The following USP6NL variants were observed in gnomAD, a reference collection of about 807,000 sequenced individuals.
USP6NL encodes the protein USP6 N-terminal like.
In USP6NL, 26 loss-of-function variants were observed where a neutral mutation model predicts 61.9. That is an observed-to-expected ratio of 0.42 (90% CI 0.31 to 0.58). USP6NL has a LOEUF of 0.58. Among genes scored for constraint, USP6NL ranks in the 20% least tolerant of loss-of-function variants. The pLI is 0.16. For synonymous variants in USP6NL, 432 were observed against 390.1 expected (o/e 1.11, Z -1.27); for missense variants, 1,114 against 1,034.3 (o/e 1.08, Z -1.06).
chr10:11,545,630 A>C (rs947744898), intron 2 of USP6NL, among the ~76,000 whole-genome samples: 1 of 152,230 alleles, frequency 6.6e-6, no homozygotes, highest in African/African-American at 2.4e-5. Context: ...AAATATCTTG[A>C]AAATATAAAT....
At chr10:11,572,077 G>C (rs1837386262) in intron 2 of USP6NL, among the ~76,000 whole-genome samples, 1 of 151,308 alleles carries the variant, frequency 6.6e-6, no homozygotes, top group Non-Finnish European at 1.5e-5. Flanking sequence ...CATTTTAAAA[G>C]GCACAAAAAT....
At chr10:11,576,538 C>T (rs1435091745) in intron 2 of USP6NL, among the ~76,000 whole-genome samples, 3 of 152,164 alleles carry the variant, frequency 2.0e-5, no homozygotes, top group South Asian at 2.1e-4. Context: ...CTTTCCACGA[C>T]GTGAGGAGAA....
At chr10:11,500,837 ATTACT>A (rs1186448936) in intron 7 of USP6NL, among the ~76,000 whole-genome samples, 1 of 152,210 alleles carries the variant, frequency 6.6e-6, no homozygotes, top group Non-Finnish European at 1.5e-5. Context: ...TGATCATCTA[ATTACT>A]TTAATTGATC....
intron 2 of USP6NL, among the ~76,000 whole-genome samples, chr10:11,567,948 CTCTG>C (rs1372412208): frequency 6.6e-6 from 1 of 151,936 alleles, no homozygotes; most frequent in Non-Finnish European, 1.5e-5. Flanking sequence ...GGATCGAGAC[CTCTG>C]TCTGTCTGAT....
chr10:11,570,540 G>C lies in USP6NL; in HGVS notation c.4+27091C>G, dbSNP rs1356422003. 2.0e-5 allele frequency among the ~76,000 whole-genome samples: 3 copies of C among 152,164 alleles called. No individual in the cohort carries two copies. The East Asian group carries it at 5.8e-4, about 29-fold the overall frequency. On this transcript the variant is annotated intron_variant, in intron 2 of 14. Coordinates refer to ENST00000609104, the MANE Select transcript of USP6NL (RefSeq NM_014688.5). ...TTGGTCGTTCGGTTCTCTACCTACA[G>C]AAAATGCAAAATGAATTTGAATTAA...
rs1264062400 is a variant in USP6NL at position 11,481,259 on chromosome 10, A to G, written c.1078+511T>C. On this transcript the variant is annotated intron_variant, in intron 14 of 14. Coordinates refer to ENST00000609104, the MANE Select transcript of USP6NL (RefSeq NM_014688.5). This position sits in a 1 kb window ranked among gnomAD's most constrained non-coding sequence, Gnocchi z 4.4. ...ATCTATACTGTAGCATACTACAAAG[A>G]GCCCTGGGCTAGTAGTCAGAAAAAC... 6.6e-6 allele frequency among the ~76,000 whole-genome samples: 1 copy of G among 152,200 alleles called. No individual in the cohort carries two copies. Among genetic ancestry groups the G allele is most frequent in the African/African-American group, 2.4e-5 (1 of 41,460 alleles).
Position 11,504,560 on chromosome 10 carries a change from C to T in USP6NL, c.277-3352G>A, listed in dbSNP as rs552672699. On this transcript the variant is annotated intron_variant, in intron 6 of 14. Coordinates refer to ENST00000609104, the MANE Select transcript of USP6NL (RefSeq NM_014688.5). ...AATCACACTGTCTTCTAAAAATTACCGCTTTATTAAAGTGGCAGAATTTAT... is the reference window on the plus strand; with the variant it reads ...AATCACACTGTCTTCTAAAAATTACTGCTTTATTAAAGTGGCAGAATTTAT... 9.8e-5 allele frequency among the ~76,000 whole-genome samples: 15 copies of T among 152,290 alleles called. No homozygotes were observed. The South Asian group carries it at 2.1e-3, about 21-fold the overall frequency.
intron 1 of USP6NL, among the ~76,000 whole-genome samples, chr10:11,601,889 A>T (rs1838542337): frequency 6.6e-6 from 1 of 152,050 alleles, no homozygotes; most frequent in Admixed American, 6.5e-5. Context: ...TTCTGATCTC[A>T]CCTTCACAGC....
rs1485232841 is a variant in USP6NL, at chr10:11,532,828, A to C, written c.5-5261T>G. ...AGACAGGAAGCAAAATACATGCTAA[A>C]GTAGTGGTTTTGGACGTTTTTAACA... is the stretch of plus-strand genomic sequence containing the variant. On this transcript the variant is annotated intron_variant, in intron 2 of 14. Coordinates refer to ENST00000609104, the MANE Select transcript of USP6NL (RefSeq NM_014688.5). The surrounding 1 kb of genome is among the most constrained non-coding windows in gnomAD (Gnocchi z 4.1). 6.6e-6 allele frequency among the ~76,000 whole-genome samples: 1 copy of C among 152,258 alleles called. No individual in the cohort carries two copies. The highest frequency in any genetic ancestry group is 1.5e-5 in the Non-Finnish European group (1 of 68,036).
intron 4 of USP6NL, among the ~76,000 whole-genome samples, chr10:11,523,169 G>A (rs1246678512): frequency 6.6e-6 from 1 of 152,212 alleles, no homozygotes; most frequent in Non-Finnish European, 1.5e-5. Context: ...CAAAAGAACT[G>A]ATTGCAATAT....
At chr10:11,569,376 G>GTTTTTTCTACTTCTACT (rs1837279600) in intron 2 of USP6NL, among the ~76,000 whole-genome samples, 3 of 152,082 alleles carry the variant, frequency 2.0e-5, no homozygotes, top group Non-Finnish European at 2.9e-5. Context: ...AAAACAGGAT[G>GTTTTTTCTACTTCTACT]GAAGTAGAAA....
At chr10:11,549,058 T>C (rs901885438) in intron 2 of USP6NL, among the ~76,000 whole-genome samples, 1 of 152,176 alleles carries the variant, frequency 6.6e-6, no homozygotes, top group African/African-American at 2.4e-5. Flanking sequence ...TCTAGTCTTC[T>C]GGTACCTTTT....
chr10:11,509,351 A>C (rs1591862933), intron 6 of USP6NL, among the ~76,000 whole-genome samples: 1 of 152,110 alleles, frequency 6.6e-6, no homozygotes, highest in Non-Finnish European at 1.5e-5. Context: ...GAATTAAATC[A>C]CTCCTGAAAC....
chr10:11,499,653 G>A lies in USP6NL; in HGVS notation c.384+1448C>T, dbSNP rs187293066. On this transcript the variant is annotated intron_variant, in intron 7 of 14. Transcript: ENST00000609104. This position sits in a 1 kb window ranked among gnomAD's most constrained non-coding sequence, Gnocchi z 4.5. ...GATAGCCAGGTGATAAGGAAGACAGGGATGGAGCGATGCCAAAATGCACTA... is the reference window on the plus strand; with the variant it reads ...GATAGCCAGGTGATAAGGAAGACAGAGATGGAGCGATGCCAAAATGCACTA... Among the ~76,000 whole-genome samples the A allele has an allele frequency of 1.3e-5, 2 of 152,266 alleles. No individual in the cohort carries two copies. Among genetic ancestry groups the A allele is most frequent in the African/African-American group, 2.4e-5 (1 of 41,536 alleles).
chr10:11,462,842 T>C lies in USP6NL; in HGVS notation c.2086A>G (p.Ser696Gly). 1.9e-6 allele frequency: 3 copies of C among 1,613,994 alleles called. No individual in the cohort carries two copies. The highest frequency in any genetic ancestry group is 2.5e-6 in the Non-Finnish European group (3 of 1,179,884). Residue 696 changes from serine to glycine, a missense_variant, in exon 15 of 15, where the codon AGT (serine) becomes GGT (glycine). Ser to Gly is a moderately conservative substitution (Grantham distance 56). Coordinates refer to ENST00000609104, the MANE Select transcript of USP6NL (RefSeq NM_014688.5). ...SRPSPLVLPS[S>G]RIEVLPVDTG... is the part of the protein sequence containing the mutation. ...TCAACAGGGAGGACTTCTATTCGAC[T>C]AGACGGCAGTACAAGGGGGCTTGGG...
chr10:11,493,709 G>A (rs1471915491), intron 7 of USP6NL, among the ~76,000 whole-genome samples: 3 of 152,232 alleles, frequency 2.0e-5, no homozygotes, highest in African/African-American at 4.8e-5. Flanking sequence ...TGATGTTCCA[G>A]TAGAGTAGGT....
chr10:11,574,133 C>G lies in USP6NL; in HGVS notation c.4+23498G>C, dbSNP rs1469335439. ...GTTTTTAAGTAGTCAACCAAAATAC[C>G]CTGCACTGTCGAAAGCCTTAATACT... On this transcript the variant is annotated intron_variant, in intron 2 of 14. Transcript: ENST00000609104. This position sits in a 1 kb window ranked among gnomAD's most constrained non-coding sequence, Gnocchi z 4.3. Among the ~76,000 whole-genome samples the G allele has an allele frequency of 6.6e-6, 1 of 151,214 alleles. No homozygotes were observed. Among genetic ancestry groups the G allele is most frequent in the Non-Finnish European group, 1.5e-5 (1 of 67,340 alleles).
At position 11,485,262 on chromosome 10, in the gene USP6NL, T is replaced by C. The variant is rs560763573; in HGVS notation, c.760-28A>G. The C allele has an allele frequency of 9.3e-6, 14 of 1,501,482 alleles. No homozygotes were observed. The African/African-American group carries it at 1.8e-4, about 20-fold the overall frequency. 93.0% of individuals were successfully genotyped at this position (1,501,482 alleles called of 1,614,324 possible). ...GAAAAAACAAAGAGCTCACAATTTA[T>C]GGATTGTAGCAAACTAAATTTAACA... On this transcript the variant is annotated intron_variant, in intron 11 of 14. Coordinates refer to ENST00000609104, the MANE Select transcript of USP6NL (RefSeq NM_014688.5). The surrounding 1 kb of genome is among the most constrained non-coding windows in gnomAD (Gnocchi z 4.8).
Position 11,469,450 on chromosome 10 carries a change from G to A in USP6NL, c.1079-5601C>T, listed in dbSNP as rs191721794. Among the ~76,000 whole-genome samples the A allele has an allele frequency of 3.3e-5, 5 of 152,274 alleles. No individual in the cohort carries two copies. The East Asian group carries it at 9.6e-4, about 29-fold the overall frequency. ...AAATTAGATGTAGCAGGGTTCGGGG[G>A]GGAAGAAATCCAGTACAGACAAAAT... On this transcript the variant is annotated intron_variant, in intron 14 of 14. Coordinates refer to ENST00000609104, the MANE Select transcript of USP6NL (RefSeq NM_014688.5).
Sources: gnomAD v4.1 joint callset for allele counts (sites outside exome capture counted in the v4.1 genomes callset) on GRCh38, gnomAD v4.1.1 for gene constraint, Gnocchi (gnomAD v3.1) non-coding constraint, MANE v1.5 for transcripts, NCBI Gene and HGNC (gene_info 2026-07-23, HGNC 2026-07-21) for gene names.